Variants in MRTFA observed in about 807,000 individuals in gnomAD.
The protein encoded by MRTFA is myocardin related transcription factor A.
Under a neutral mutation model 83.5 loss-of-function variants are expected in MRTFA, and 20 were observed. The observed-to-expected ratio is 0.24, with a 90% CI of 0.17 to 0.35. MRTFA has a LOEUF of 0.35. Ranked by LOEUF, MRTFA falls within the 10% of genes least tolerant of loss-of-function variation. The probability of loss-of-function intolerance (pLI) is 1.00; values close to 1 mark genes in which losing one functional copy is unlikely to be tolerated. For synonymous variants in MRTFA, 659 were observed against 541.2 expected, an observed-to-expected ratio of 1.22 and a Z score of -3.02; for missense variants, 1,200 against 1,224.7, an observed-to-expected ratio of 0.98 and a Z score of 0.30.
At chr22:40,612,268 A>G (rs1337416396) in intron 1 of MRTFA, among the ~76,000 whole-genome samples, 1 of 152,220 alleles carries the variant, frequency 6.6e-6, no homozygotes, top group Non-Finnish European at 1.5e-5. Flanking sequence ...ACCAAAAAAA[A>G]TTAACTCTCT....
chr22:40,449,562 G>A (rs2053449315), intron 4 of MRTFA, among the ~76,000 whole-genome samples: 1 of 152,186 alleles, frequency 6.6e-6, no homozygotes, highest in African/African-American at 2.4e-5. Flanking sequence ...TTTGGGTAAT[G>A]CTAAAGCCAC....
At chr22:40,582,378 T>C (rs2147361999) in intron 2 of MRTFA, among the ~76,000 whole-genome samples, 1 of 152,380 alleles carries the variant, frequency 6.6e-6, no homozygotes, top group East Asian at 1.9e-4. Context: ...ATTATGAATA[T>C]TCATGTAAAA....
intron 1 of MRTFA, among the ~76,000 whole-genome samples, chr22:40,618,249 T>C (rs192603101): frequency 0.079 from 11,360 of 144,294 alleles, 661 homozygotes; most frequent in East Asian, 0.24. Flanking sequence ...TAATTTTTTG[T>C]ATTTTTTTTT....
At position 40,559,951 on chromosome 22, in the gene MRTFA, T is replaced by A. The variant is rs560573790; in HGVS notation, c.-21-7584A>T. Among the ~76,000 whole-genome samples the A allele has an allele frequency of 4.6e-5, 7 of 152,300 alleles. No homozygotes were observed. The Middle Eastern group carries it at 0.024, about 518-fold the overall frequency. On this transcript the variant is annotated intron_variant, in intron 2 of 14. Transcript: ENST00000355630. Reference sequence around the variant, plus strand: ...TTATTAAGGGCTTAAAGAGATCACTTAAAATTTACACATATATCTATACAC... The same window carrying A: ...TTATTAAGGGCTTAAAGAGATCACTAAAAATTTACACATATATCTATACAC...
chr22:40,594,910 C>T (rs1235446557), intron 1 of MRTFA, among the ~76,000 whole-genome samples, 175 bp from the exon 2 acceptor site: 1 of 141,980 alleles, frequency 7.0e-6, no homozygotes, highest in Non-Finnish European at 1.5e-5. Context: ...AAAAAAAAGG[C>T]CCATGTAAGT....
At chr22:40,466,320 T>G (rs942786051) in intron 3 of MRTFA, among the ~76,000 whole-genome samples, 12 of 152,202 alleles carry the variant, frequency 7.9e-5, no homozygotes, top group African/African-American at 2.9e-4. Flanking sequence ...ATTTAATCCT[T>G]TAAAAAAGCC....
intron 2 of MRTFA, among the ~76,000 whole-genome samples, chr22:40,567,334 G>A (rs1203353586): frequency 6.6e-6 from 1 of 152,080 alleles, no homozygotes; most frequent in East Asian, 1.9e-4. Flanking sequence ...GTTCAAATGT[G>A]TTCCAATTTT....
At chr22:40,602,660 G>A (rs2056273839) in intron 1 of MRTFA, among the ~76,000 whole-genome samples, 1 of 148,902 alleles carries the variant, frequency 6.7e-6, no homozygotes, top group Admixed American at 6.7e-5. Flanking sequence ...CCAACATGGT[G>A]AAACCCCATC....
chr22:40,635,855 T>C (rs551102618), intron 1 of MRTFA, among the ~76,000 whole-genome samples: 2 of 152,250 alleles, frequency 1.3e-5, no homozygotes, highest in East Asian at 1.9e-4. Context: ...AGTGGCAGGT[T>C]TGGGAGTCGA....
At chr22:40,421,493 C>T (rs992377537) in intron 9 of MRTFA, among the ~76,000 whole-genome samples, 1 of 152,204 alleles carries the variant, frequency 6.6e-6, no homozygotes, top group African/African-American at 2.4e-5. Flanking sequence ...TTGCTCTTCT[C>T]TTGCTCTTTT....
chr22:40,411,312 GC>G lies in MRTFA; in HGVS notation c.*77del. On this transcript the variant is annotated 3_prime_UTR_variant, in exon 15 of 15. Coordinates refer to ENST00000355630, the MANE Select transcript of MRTFA (RefSeq NM_020831.6). ...TCAAGACTCACAACCATGTGGAGAG[GC>G]CGAATCACGCAGGAGAGCCACGCAT... 19 of 1,433,306 alleles carry G rather than the reference GC, an allele frequency of 1.3e-5. No homozygotes were observed. In the South Asian group the frequency reaches 2.4e-4, roughly 18 times the overall value. The allele number at this position is 1,433,306 out of a possible 1,614,324, so 88.8% of individuals were successfully genotyped here. A position where few individuals can be genotyped will look rare whatever the true frequency, so the allele number is the denominator to read the frequency against.
chr22:40,629,264 T>C (rs1399643827), intron 1 of MRTFA, among the ~76,000 whole-genome samples: 1 of 151,070 alleles, frequency 6.6e-6, no homozygotes, highest in Non-Finnish European at 1.5e-5. Flanking sequence ...TCCAATATGG[T>C]GAAACCCCGT....
At chr22:40,507,571 G>A (rs2054599580) in intron 3 of MRTFA, among the ~76,000 whole-genome samples, 1 of 151,026 alleles carries the variant, frequency 6.6e-6, no homozygotes, top group Non-Finnish European at 1.5e-5. Context: ...GAGCTATGAC[G>A]GTGCCACTGC....
chr22:40,520,413 A>AT lies in MRTFA; in HGVS notation c.241+31692dup, dbSNP rs545206207. On this transcript the variant is annotated intron_variant, in intron 3 of 14. Transcript: ENST00000355630. ...TTGGAAAATGTTTTTAAGGTTCATC[A>AT]TTTTTTTTTTTAAGACGAGTCTCGT... 2.1e-3 allele frequency among the ~76,000 whole-genome samples: 313 copies of AT among 147,228 alleles called. 1 individual carries two copies. Among genetic ancestry groups the AT allele is most frequent in the East Asian group, 8.5e-3 (43 of 5,050 alleles).
At position 40,435,570 on chromosome 22, in the gene MRTFA, C is replaced by A. The variant is rs760843247; in HGVS notation, c.308-16G>T. 7 of 1,613,808 alleles carry A rather than the reference C, an allele frequency of 4.3e-6. No homozygotes were observed. The South Asian group carries it at 7.7e-5, about 18-fold the overall frequency. Reference sequence around the variant, plus strand: ...CTTTTCAAAGCTGTTGAGAGAAGAACCGTAAAGATTACCTTCAAGCGAAGC... The same window carrying A: ...CTTTTCAAAGCTGTTGAGAGAAGAAACGTAAAGATTACCTTCAAGCGAAGC... On this transcript the variant is annotated splice_polypyrimidine_tract_variant and intron_variant, in intron 4 of 14. Coordinates refer to ENST00000355630, the MANE Select transcript of MRTFA (RefSeq NM_020831.6).
intron 14 of MRTFA, among the ~76,000 whole-genome samples, chr22:40,414,661 C>CG (rs1389381377): frequency 6.6e-6 from 1 of 152,140 alleles, no homozygotes; most frequent in Non-Finnish European, 1.5e-5. Context: ...GAGGTCCCCA[C>CG]GACAGGCAAA....
rs536955230 is a variant in MRTFA at position 40,486,114 on chromosome 22, G to A, written c.242-22828C>T. 1.9e-3 allele frequency among the ~76,000 whole-genome samples: 291 copies of A among 152,208 alleles called. 2 individuals are homozygous for A. The highest frequency in any genetic ancestry group is 3.5e-3 in the Non-Finnish European group (240 of 68,026). The stretch of plus-strand genomic sequence containing the variant: ...CCAAGGGAGTGGGCTTGCAGATCCC[G>A]ACTTACGCCTTTAAATCTGGTTAGT... On this transcript the variant is annotated intron_variant, in intron 3 of 14. Transcript: ENST00000355630.
chr22:40,449,270 ACG>A (rs1376189601), intron 4 of MRTFA, among the ~76,000 whole-genome samples: 1 of 138,312 alleles, frequency 7.2e-6, no homozygotes, highest in Admixed American at 7.2e-5. Context: ...CGGTCTCCAA[ACG>A]AGAAAAAAAA....
At chr22:40,456,402 C>T (rs1264807455) in intron 4 of MRTFA, among the ~76,000 whole-genome samples, 1 of 152,104 alleles carries the variant, frequency 6.6e-6, no homozygotes, top group Admixed American at 6.5e-5. Flanking sequence ...TAAAATTAAA[C>T]TTAGGCCAGT....
Sources: gnomAD v4.1 joint callset for allele counts (sites outside exome capture counted in the v4.1 genomes callset) on GRCh38, gnomAD v4.1.1 for gene constraint, MANE v1.5 for transcripts, NCBI Gene and HGNC (gene_info 2026-07-23, HGNC 2026-07-21) for gene names.